PTGER3: variants seen among roughly 807,000 people sequenced by gnomAD.
PTGER3 encodes prostaglandin E2 receptor EP3 subtype.
PTGER3 carries 22 observed loss-of-function variants against 34.7 expected under a neutral mutation model. The observed-to-expected ratio is 0.63, with a 90% confidence interval of 0.45 to 0.91. PTGER3 has a LOEUF of 0.91. Ranked by LOEUF, PTGER3 falls within the 40% of genes least tolerant of loss-of-function variation. The probability of loss-of-function intolerance (pLI) is 0.00; values close to 1 mark genes in which losing one functional copy is unlikely to be tolerated. For missense variants in PTGER3, 468 were observed against 519.4 expected, an observed-to-expected ratio of 0.90 and a Z score of 0.96; for synonymous variants, 241 against 230.1, an observed-to-expected ratio of 1.05 and a Z score of -0.43.
intron 4 of PTGER3, among the ~76,000 whole-genome samples, chr1:70,945,607 A>G (rs1650154264): frequency 6.6e-6 from 1 of 152,112 alleles, no homozygotes; most frequent in Non-Finnish European, 1.5e-5. Flanking sequence ...ATCTAGCTAT[A>G]TATTGCTTAA....
At chr1:70,990,046 A>G (rs1655287467) in intron 2 of PTGER3, among the ~76,000 whole-genome samples, 1 of 152,066 alleles carries the variant, frequency 6.6e-6, no homozygotes, top group Non-Finnish European at 1.5e-5. Context: ...GTATGTGTAC[A>G]TATGTGAAAA....
chr1:71,026,569 T>A (rs1440110407), intron 1 of PTGER3, among the ~76,000 whole-genome samples: 1 of 151,974 alleles, frequency 6.6e-6, no homozygotes, highest in Middle Eastern at 3.2e-3. Context: ...TATAATGTGT[T>A]CATCTTCCGT....
chr1:71,038,952 A>G (rs1018325499), intron 1 of PTGER3, among the ~76,000 whole-genome samples: 1 of 152,234 alleles, frequency 6.6e-6, no homozygotes, highest in Non-Finnish European at 1.5e-5. Flanking sequence ...AGTTAGATGC[A>G]CAATTAGTTC....
chr1:70,971,732 A>G lies in PTGER3; in HGVS notation c.1171T>C (p.Ter391GlnextTer1), dbSNP rs1363538662. Residue 391 changes from the stop codon to glutamine, a stop_lost and splice_region_variant, in exon 4 of 4, where the codon TAA becomes CAA. Coordinates refer to ENST00000306666, the MANE Select transcript of PTGER3 (RefSeq NM_198719.2). ...AAATGTCCAACTCCGTTCTTTCATT[A>G]TCTGTTAGAATAGAGAGAGAAAGAT... ...TLMWSDHLER[*>Q] 2 of 1,550,008 alleles carry G rather than the reference A, an allele frequency of 1.3e-6. No individual in the cohort carries two copies. Among genetic ancestry groups the G allele is most frequent in the Non-Finnish European group, 1.7e-6 (2 of 1,143,494 alleles).
chr1:70,969,996 G>A (rs74090803), downstream of PTGER3, among the ~76,000 whole-genome samples: 645 of 151,582 alleles, frequency 4.3e-3, 11 homozygotes, highest in African/African-American at 0.015. Flanking sequence ...CACAGAGCTT[G>A]TGAGTGGCAC....
At chr1:70,997,744 G>A (rs767451969) in intron 2 of PTGER3, among the ~76,000 whole-genome samples, 7 of 152,188 alleles carry the variant, frequency 4.6e-5, no homozygotes, top group African/African-American at 7.2e-5. Context: ...CAGAATATAA[G>A]CCACATCTGA....
chr1:70,967,048 A>G (rs776319796), downstream of PTGER3, among the ~76,000 whole-genome samples: 6 of 152,160 alleles, frequency 3.9e-5, no homozygotes, highest in Non-Finnish European at 7.4e-5. Flanking sequence ...TGATTGAACT[A>G]ATTTACATTT....
intron 1 of PTGER3, among the ~76,000 whole-genome samples, chr1:71,039,494 G>A (rs1454658190): frequency 6.6e-6 from 1 of 151,372 alleles, no homozygotes; most frequent in African/African-American, 2.4e-5. Flanking sequence ...ACTAAAAATA[G>A]AAAAAATTAG....
At chr1:70,990,122 G>T (rs1655297088) in intron 2 of PTGER3, among the ~76,000 whole-genome samples, 2 of 151,874 alleles carry the variant, frequency 1.3e-5, no homozygotes, top group African/African-American at 2.4e-5. Flanking sequence ...GGGAGGCCGA[G>T]TTGGGCGGAT....
intron 4 of PTGER3, among the ~76,000 whole-genome samples, chr1:70,908,188 G>T (rs539548859): frequency 6.6e-6 from 1 of 152,186 alleles, no homozygotes; most frequent in Non-Finnish European, 1.5e-5. Flanking sequence ...TCCCCGAGGA[G>T]ACAATTATTT....
intron 2 of PTGER3, among the ~76,000 whole-genome samples, chr1:70,995,068 T>C (rs1233627209): frequency 1.3e-5 from 2 of 152,134 alleles, no homozygotes; most frequent in Non-Finnish European, 2.9e-5. Context: ...GAGGCATAAA[T>C]GAGGTGTTTA....
chr1:70,894,438 A>G (rs1482934388), intron 4 of PTGER3, among the ~76,000 whole-genome samples: 2 of 152,070 alleles, frequency 1.3e-5, no homozygotes, highest in Non-Finnish European at 2.9e-5. Context: ...AGAAAACTAC[A>G]TTGAATGCCT....
intron 2 of PTGER3, chr1:71,009,195 C>T: frequency 1.0e-6 from 1 of 985,230 alleles, no homozygotes; most frequent in Non-Finnish European, 1.2e-6. Flanking sequence ...TATTAAAATA[C>T]TGTTTGCCAG....
intron 4 of PTGER3, among the ~76,000 whole-genome samples, chr1:70,867,646 A>C (rs1646071871): frequency 6.6e-6 from 1 of 151,922 alleles, no homozygotes; most frequent in Non-Finnish European, 1.5e-5. Flanking sequence ...AATTGCTTGA[A>C]CCTGGGAGGC....
intron 2 of PTGER3, chr1:71,008,810 A>G: frequency 2.1e-6 from 2 of 952,678 alleles, no homozygotes; most frequent in Non-Finnish European, 1.2e-6. Flanking sequence ...TACTTGTTAT[A>G]CAGATAAAAA....
chr1:70,931,478 C>T (rs1459101493), intron 4 of PTGER3, among the ~76,000 whole-genome samples: 1 of 152,206 alleles, frequency 6.6e-6, no homozygotes. Flanking sequence ...AACAAAGGCT[C>T]TCCATGAGGG....
chr1:70,984,491 G>T (rs1654717469), intron 2 of PTGER3, among the ~76,000 whole-genome samples: 1 of 152,010 alleles, frequency 6.6e-6, no homozygotes, highest in South Asian at 2.1e-4. Context: ...AAGGTGGGAG[G>T]ATCACTTGAG....
At chr1:70,977,371 C>T (rs1653808156) in intron 2 of PTGER3, among the ~76,000 whole-genome samples, 1 of 152,010 alleles carries the variant, frequency 6.6e-6, no homozygotes, top group African/African-American at 2.4e-5. Flanking sequence ...GAACACTATG[C>T]TAGTTTGTCT....
At chr1:70,960,922 C>T (rs969056078) in intron 2 of PTGER3, among the ~76,000 whole-genome samples, 1 of 152,090 alleles carries the variant, frequency 6.6e-6, no homozygotes, top group Non-Finnish European at 1.5e-5. Flanking sequence ...AGATCTGAAA[C>T]TTTAATATGG....
Sources: allele counts gnomAD v4.1 joint callset (sites outside exome capture counted in the v4.1 genomes callset), GRCh38; gene constraint gnomAD v4.1.1; transcripts MANE v1.5; gene names NCBI Gene and HGNC (gene_info 2026-07-23, HGNC 2026-07-21).